Variants in PLXDC2 observed in about 807,000 individuals in gnomAD.
PLXDC2 encodes plexin domain containing 2, also known as plexin domain-containing protein 2.
In PLXDC2, 40 loss-of-function variants were observed where a neutral mutation model predicts 68.9. The observed-to-expected ratio is 0.58, with a 90% CI of 0.45 to 0.76. The LOEUF is 0.76. PLXDC2 is among the 30% of genes least tolerant of loss of function. PLXDC2 has a pLI of 0.00. For synonymous variants in PLXDC2, 243 were observed against 234.2 expected (o/e 1.04, Z -0.34); for missense variants, 644 against 661.9 (o/e 0.97, Z 0.30).
intron 4 of PLXDC2, among the ~76,000 whole-genome samples, chr10:20,076,155 G>A (rs966981461): frequency 1.3e-5 from 2 of 152,162 alleles, no homozygotes; most frequent in South Asian, 4.1e-4. Context: ...CTCTAACATT[G>A]TCGAATCCTG....
chr10:20,243,795 A>C (rs1044591129), intron 12 of PLXDC2, among the ~76,000 whole-genome samples: 11 of 152,238 alleles, frequency 7.2e-5, no homozygotes, highest in African/African-American at 2.2e-4. Flanking sequence ...GCAAAGGCTC[A>C]CGCCTGTAAT....
chr10:19,899,750 T>C (rs1272315955), intron 1 of PLXDC2, among the ~76,000 whole-genome samples: 2 of 152,188 alleles, frequency 1.3e-5, no homozygotes, highest in African/African-American at 4.8e-5. Flanking sequence ...ATTAGCAGTA[T>C]ATATTAATAC....
At chr10:19,885,922 T>C (rs1025831298) in intron 1 of PLXDC2, among the ~76,000 whole-genome samples, 3 of 152,204 alleles carry the variant, frequency 2.0e-5, no homozygotes, top group Middle Eastern at 3.4e-3. Context: ...GGGATGGCAT[T>C]GAATCTATAA....
chr10:19,927,454 C>T (rs1482787868), intron 1 of PLXDC2, among the ~76,000 whole-genome samples: 1 of 152,030 alleles, frequency 6.6e-6, no homozygotes, highest in Non-Finnish European at 1.5e-5. Flanking sequence ...GTAATCCCAG[C>T]ACTTTTGGAG....
At chr10:19,974,763 A>T (rs1344117892) in intron 1 of PLXDC2, among the ~76,000 whole-genome samples, 1 of 152,188 alleles carries the variant, frequency 6.6e-6, no homozygotes, top group African/African-American at 2.4e-5. Flanking sequence ...CATTCAATAG[A>T]TTTCAGTTAA....
At chr10:20,278,682 C>A (rs1455051569) in intron 13 of PLXDC2, among the ~76,000 whole-genome samples, 2 of 151,926 alleles carry the variant, frequency 1.3e-5, no homozygotes, top group African/African-American at 2.4e-5. Context: ...ACTTTCACAG[C>A]CATTAACCAT....
chr10:20,021,875 T>A (rs1835316191), intron 2 of PLXDC2, among the ~76,000 whole-genome samples: 1 of 152,054 alleles, frequency 6.6e-6, no homozygotes, highest in Non-Finnish European at 1.5e-5. Flanking sequence ...ATTTTTGTAT[T>A]TTTAGTAGAG....
intron 1 of PLXDC2, among the ~76,000 whole-genome samples, chr10:19,866,053 C>CA (rs1272409665): frequency 1.3e-5 from 2 of 151,944 alleles, no homozygotes; most frequent in African/African-American, 2.4e-5. Flanking sequence ...GGATACATTG[C>CA]AAAAAAATTA....
In PLXDC2 at chr10:20,018,059, G is replaced by A. The variant is rs139382683; in HGVS notation, c.324+16073G>A. ...CTAGTTTCTCCAGAGACATCCGAAC[G>A]CTTACATATTGGCTATTCATTCATT... On this transcript the variant is annotated intron_variant, in intron 2 of 13. Transcript: ENST00000377252. Among the ~76,000 whole-genome samples, 106 of 152,272 alleles carry A rather than the reference G, an allele frequency of 7.0e-4. 1 individual carries two copies. Among genetic ancestry groups the A allele is most frequent in the African/African-American group, 2.2e-3 (93 of 41,538 alleles).
intron 3 of PLXDC2, among the ~76,000 whole-genome samples, chr10:20,053,185 T>G (rs961489244): frequency 1.3e-5 from 2 of 152,158 alleles, no homozygotes; most frequent in Non-Finnish European, 2.9e-5. Flanking sequence ...ATCTCAGCCA[T>G]AATCATTAGT....
At chr10:20,026,070 G>A (rs906330096) in intron 2 of PLXDC2, among the ~76,000 whole-genome samples, 11 of 152,054 alleles carry the variant, frequency 7.2e-5, no homozygotes, top group Admixed American at 4.6e-4. Context: ...TAGAGTATTC[G>A]ATTATTCAAT....
In PLXDC2 at chr10:20,285,105, C is replaced by G. The variant is rs1175141128; in HGVS notation, c.*5286C>G. 1 of 152,074 alleles carries G rather than the reference C, an allele frequency of 6.6e-6. No individual in the cohort carries two copies. The highest frequency in any genetic ancestry group is 1.5e-5 in the Non-Finnish European group (1 of 68,020). 9.4% of individuals were successfully genotyped at this position (152,074 alleles called of 1,614,324 possible). On this transcript the variant is annotated 3_prime_UTR_variant, in exon 14 of 14. Coordinates refer to ENST00000377252, the MANE Select transcript of PLXDC2 (RefSeq NM_032812.9). Reference sequence around the variant, plus strand: ...TGATCTATATAGCTGATTTTCTGACCACATATATAATTGCAATTTTTATTT... The same window carrying G: ...TGATCTATATAGCTGATTTTCTGACGACATATATAATTGCAATTTTTATTT...
At chr10:19,829,154 C>CTTTTTTTTTTT (rs71388870) in intron 1 of PLXDC2, among the ~76,000 whole-genome samples, 6 of 94,416 alleles carry the variant, frequency 6.4e-5, no homozygotes, top group Non-Finnish European at 9.8e-5. Flanking sequence ...ACGCTTTCCT[C>CTTTTTTTTTTT]TTTTTTTTTT....
chr10:20,222,131 A>C (rs1835220794), intron 12 of PLXDC2, among the ~76,000 whole-genome samples: 1 of 151,600 alleles, frequency 6.6e-6, no homozygotes, highest in African/African-American at 2.4e-5. Flanking sequence ...AAAGGGTAAC[A>C]TTTTTCAAAG....
At chr10:20,021,177 G>A (rs11599743) in intron 2 of PLXDC2, among the ~76,000 whole-genome samples, 34,085 of 150,850 alleles carry the variant, frequency 0.23, 4,737 homozygotes, top group Non-Finnish European at 0.33. Context: ...ATCTTCTTAT[G>A]GTAACTTTAT....
At chr10:19,983,833 A>T (rs1589569458) in intron 1 of PLXDC2, among the ~76,000 whole-genome samples, 1 of 152,106 alleles carries the variant, frequency 6.6e-6, no homozygotes, top group Admixed American at 6.6e-5. Flanking sequence ...TCTGCATTTT[A>T]ACTCTTAACA....
At chr10:20,029,441 T>A (rs1835461920) in intron 2 of PLXDC2, among the ~76,000 whole-genome samples, 1 of 152,204 alleles carries the variant, frequency 6.6e-6, no homozygotes, top group African/African-American at 2.4e-5. Context: ...GGCATCTTCT[T>A]ATATTGGACT....
At chr10:20,142,353 G>A (rs750228902) in intron 4 of PLXDC2, among the ~76,000 whole-genome samples, 2 of 152,046 alleles carry the variant, frequency 1.3e-5, no homozygotes, top group Non-Finnish European at 2.9e-5. Context: ...GTGTGCATTT[G>A]CATGTGTAAT....
At chr10:20,171,062 A>C (rs1025057424) in intron 7 of PLXDC2, among the ~76,000 whole-genome samples, 9 of 152,272 alleles carry the variant, frequency 5.9e-5, no homozygotes, top group Admixed American at 3.9e-4. Flanking sequence ...ACAATTTGCA[A>C]TTTTGATTTA....
Sources: allele counts gnomAD v4.1 joint callset (sites outside exome capture counted in the v4.1 genomes callset), GRCh38; gene constraint gnomAD v4.1.1; transcripts MANE v1.5; gene names NCBI Gene and HGNC (gene_info 2026-07-23, HGNC 2026-07-21).